Variants in CES4A observed in about 807,000 individuals in gnomAD.
CES4A encodes carboxylesterase 6.
In CES4A, 48 loss-of-function variants were observed where a neutral mutation model predicts 65.4. That is an observed-to-expected ratio of 0.73 (90% CI 0.58 to 0.93). The LOEUF is 0.93. Among genes scored for constraint, CES4A ranks in the 40% least tolerant of loss-of-function variants. The probability of loss-of-function intolerance (pLI) is 0.00; values close to 1 mark genes in which losing one functional copy is unlikely to be tolerated. For missense variants in CES4A, 685 were observed against 728.5 expected (o/e 0.94, Z 0.69); for synonymous variants, 247 against 281.8 (o/e 0.88, Z 1.24).
rs529170797 is a variant in CES4A at position 67,004,821 on chromosome 16, C to T, written c.1109C>T (p.Ala370Val). 3.8e-5 allele frequency: 58 copies of T among 1,536,018 alleles called. No individual in the cohort carries two copies. In the Admixed American group the frequency reaches 4.9e-4, roughly 13 times the overall value. ...ATGAAGTTCCCGCTAAACCGGCAGG[C>T]GATGAGAAAGGAAACCATCACTAAG... Residue 370 changes from alanine (A) to valine (V), a missense_variant, in exon 10 of 14, where the codon GCG (alanine) becomes GTG (valine). Transcript: ENST00000648724.
At chr16:67,004,948 C>A in intron 10 of CES4A, 75 bp downstream of exon 10, 1 of 1,197,414 alleles carries the variant, frequency 8.4e-7, no homozygotes, top group Non-Finnish European at 1.2e-6. Flanking sequence ...CTAGTAGCTG[C>A]TCTTTGCAAA....
chr16:66,998,958 T>C (rs1466156534), intron 2 of CES4A, among the ~76,000 whole-genome samples: 2 of 152,158 alleles, frequency 1.3e-5, no homozygotes, highest in African/African-American at 4.8e-5. Context: ...TGACAGAGAT[T>C]TAGCAAGATG....
At chr16:67,005,294 A>C in exon 11 of CES4A, 1 of 1,614,114 alleles carries the variant, frequency 6.2e-7, no homozygotes, top group Non-Finnish European at 8.5e-7. Flanking sequence ...GGACAATGTC[A>C]ATGAGCATGA....
chr16:67,009,014 A>G (rs377068969), exon 14 of CES4A: 22 of 1,614,032 alleles, frequency 1.4e-5, no homozygotes, highest in African/African-American at 2.7e-5. Flanking sequence ...GCCACGCTAC[A>G]ACAAGGATGA....
intron 2 of CES4A, 158 bp downstream of exon 2, chr16:66,995,987 A>G: frequency 1.4e-6 from 1 of 719,982 alleles, no homozygotes; most frequent in Non-Finnish European, 2.5e-6. Context: ...ATCATGAGCA[A>G]ACTGGTCCTG....
Position 67,001,211 on chromosome 16 carries a change from G to C in CES4A, c.537-97G>C, listed in dbSNP as rs529152722. On this transcript the variant is annotated intron_variant, in intron 4 of 13. Transcript: ENST00000648724. This position sits in a 1 kb window ranked among gnomAD's most constrained non-coding sequence, Gnocchi z 4.1. ...TGGTCGCAGGACTGGGTCTTAGAGG[G>C]GCAAGGCTGGGCTGGGTGGGGGAAG... 6.2e-6 allele frequency: 9 copies of C among 1,441,906 alleles called. No homozygotes were observed. In the Admixed American group the frequency reaches 2.2e-4, roughly 36 times the overall value. 89.3% of individuals were successfully genotyped at this position (1,441,906 alleles called of 1,614,324 possible).
intron 1 of CES4A, among the ~76,000 whole-genome samples, chr16:66,990,619 A>C (rs1964313513): frequency 6.6e-6 from 1 of 152,040 alleles, no homozygotes; most frequent in Non-Finnish European, 1.5e-5. Context: ...GGCTCACTTG[A>C]GTTTGGGAGG....
chr16:67,009,144 G>A (rs771781992), exon 14 of CES4A: 5 of 1,611,884 alleles, frequency 3.1e-6, no homozygotes, highest in Non-Finnish European at 4.2e-6. Context: ...CAATTCTAAG[G>A]GTGGCTATGC....
rs1965208759 is a variant in CES4A, at chr16:67,000,551, G to C, written c.261-87G>C. ...CACGCACGCGCACAGACGCTGCCTGGATTTTGCTTTGGGTTCCGTCTTCTC... is the reference window on the plus strand; with the variant it reads ...CACGCACGCGCACAGACGCTGCCTGCATTTTGCTTTGGGTTCCGTCTTCTC... On this transcript the variant is annotated intron_variant, in intron 2 of 13. Coordinates refer to ENST00000648724, the Ensembl canonical transcript of CES4A. This position sits in a 1 kb window ranked among gnomAD's most constrained non-coding sequence, Gnocchi z 4.2. The C allele has an allele frequency of 6.7e-7, 1 of 1,484,520 alleles. No homozygotes were observed. Among genetic ancestry groups the C allele is most frequent in the Non-Finnish European group, 9.0e-7 (1 of 1,111,696 alleles). The allele number at this position is 1,484,520 out of a possible 1,614,324, so 92.0% of individuals were successfully genotyped here.
chr16:67,008,189 G>A (rs1238665526), intron 13 of CES4A: 2 of 152,030 alleles, frequency 1.3e-5, no homozygotes, highest in Admixed American at 1.3e-4. Context: ...CCAAAGTGTT[G>A]GTCTTACAGG....
intron 2 of CES4A, among the ~76,000 whole-genome samples, chr16:66,998,844 G>A (rs1597073749): frequency 6.6e-6 from 1 of 151,774 alleles, no homozygotes; most frequent in Non-Finnish European, 1.5e-5. Flanking sequence ...CTGGCCGACA[G>A]AGCGAGACTC....
chr16:66,996,146 TCCTGCCTCAG>T (rs1464778357), intron 2 of CES4A: 8 of 467,696 alleles, frequency 1.7e-5, no homozygotes, highest in Non-Finnish European at 2.9e-5. Context: ...CAAGCGAGTC[TCCTGCCTCAG>T]CCTCTGAGTA....
At chr16:66,989,419 G>T (rs576632500) in intron 1 of CES4A, among the ~76,000 whole-genome samples, 5 of 151,726 alleles carry the variant, frequency 3.3e-5, no homozygotes, top group Admixed American at 1.3e-4. Flanking sequence ...AGTGGGTTAG[G>T]CATGGTAGCT....
exon 14 of CES4A, chr16:67,009,209 C>T: frequency 6.9e-7 from 1 of 1,457,594 alleles, no homozygotes; most frequent in Non-Finnish European, 9.3e-7. Context: ...GGGAGACTAG[C>T]CATGGACATA....
Position 67,003,041 on chromosome 16 carries a change from C to G in CES4A, c.691-29C>G, listed in dbSNP as rs1408846185. 1.9e-6 allele frequency: 3 copies of G among 1,586,148 alleles called. No individual in the cohort carries two copies. The highest frequency in any genetic ancestry group is 1.7e-5 in the Admixed American group (1 of 59,944). ...CCCAGGTGTCTCTACTTGGGCATCT[C>G]ACGGGTGTATTCCTCCCTGTTCTTG... On this transcript the variant is annotated intron_variant, in intron 5 of 13. Coordinates refer to ENST00000648724, the Ensembl canonical transcript of CES4A. The surrounding 1 kb of genome is among the most constrained non-coding windows in gnomAD (Gnocchi z 4.2).
chr16:67,004,105 G>A (rs1965559219), exon 9 of CES4A: 1 of 1,614,038 alleles, frequency 6.2e-7, no homozygotes, highest in Admixed American at 1.7e-5. Context: ...CATGAGCCCT[G>A]TGGTGGATGG....
intron 2 of CES4A, 48 bp downstream of exon 2, chr16:66,995,877 C>A: frequency 6.5e-7 from 1 of 1,540,666 alleles, no homozygotes; most frequent in Non-Finnish European, 8.9e-7. Flanking sequence ...GGGCCTATGC[C>A]TGCATCTGGG....
chr16:66,989,318 A>G (rs1169461994), intron 1 of CES4A, among the ~76,000 whole-genome samples: 2 of 151,934 alleles, frequency 1.3e-5, no homozygotes, highest in African/African-American at 4.8e-5. Flanking sequence ...CAAGGTGCAC[A>G]CATCTTCACT....
Position 67,000,571 on chromosome 16 carries a change from C to A in CES4A, c.261-67C>A, listed in dbSNP as rs1205369161. ...GCCTGGATTTTGCTTTGGGTTCCGTCTTCTCACTGCGGACCCTGGATTGAA... is the reference window on the plus strand; with the variant it reads ...GCCTGGATTTTGCTTTGGGTTCCGTATTCTCACTGCGGACCCTGGATTGAA... On this transcript the variant is annotated intron_variant, in intron 2 of 13. Transcript: ENST00000648724. This position sits in a 1 kb window ranked among gnomAD's most constrained non-coding sequence, Gnocchi z 4.2. The A allele has an allele frequency of 1.3e-6, 2 of 1,498,876 alleles. No homozygotes were observed. Among genetic ancestry groups the A allele is most frequent in the African/African-American group, 2.8e-5 (2 of 71,232 alleles). The allele number at this position is 1,498,876 out of a possible 1,614,324, so 92.8% of individuals were successfully genotyped here. A position where few individuals can be genotyped will look rare whatever the true frequency, so the allele number is the denominator to read the frequency against.
Sources: allele counts gnomAD v4.1 joint callset (sites outside exome capture counted in the v4.1 genomes callset), GRCh38; gene constraint gnomAD v4.1.1; non-coding constraint Gnocchi (gnomAD v3.1); transcripts MANE v1.5; gene names NCBI Gene and HGNC (gene_info 2026-07-23, HGNC 2026-07-21).